PTPRS: variants seen among roughly 807,000 people sequenced by gnomAD.
PTPRS encodes the protein protein tyrosine phosphatase receptor type S.
A neutral mutation model predicts 215.3 loss-of-function variants in PTPRS; 63 were observed. The observed-to-expected ratio is 0.29, with a 90% confidence interval of 0.24 to 0.36. PTPRS has a LOEUF of 0.36. Among genes scored for constraint, PTPRS ranks in the 10% least tolerant of loss-of-function variants. The pLI, the probability that PTPRS is intolerant of heterozygous loss-of-function variation, is 1.00. For missense variants in PTPRS, 2,258 were observed against 2,825.8 expected (o/e 0.80, Z 4.56); for synonymous variants, 1,404 against 1,191.4 (o/e 1.18, Z -3.68).
intron 8 of PTPRS, among the ~76,000 whole-genome samples, chr19:5,256,502 G>A (rs1035389717): frequency 2.6e-5 from 4 of 151,992 alleles, no homozygotes; most frequent in African/African-American, 9.7e-5. Flanking sequence ...GGACACAGAA[G>A]CCCCCCTCCC....
At position 5,237,325 on chromosome 19, in the gene PTPRS, T is replaced by C. The variant is rs2043545133; in HGVS notation, c.1849+1594A>G. Among the ~76,000 whole-genome samples, 2 of 152,208 alleles carry C rather than the reference T, an allele frequency of 1.3e-5. No individual in the cohort carries two copies. The highest frequency in any genetic ancestry group is 2.9e-5 in the Non-Finnish European group (2 of 68,022). The stretch of plus-strand genomic sequence containing the variant: ...ATGGATACGCCTGGCCCTGAGTCTT[T>C]GCTGTCGGTTCTCCTGGGCCCCACC... On this transcript the variant is annotated intron_variant, in intron 13 of 37. Transcript: ENST00000262963. This position sits in a 1 kb window ranked among gnomAD's most constrained non-coding sequence, Gnocchi z 4.2.
intron 11 of PTPRS, among the ~76,000 whole-genome samples, chr19:5,243,125 C>CT (rs746936561): frequency 0.024 from 3,279 of 138,002 alleles, 94 homozygotes; most frequent in African/African-American, 0.076. Context: ...GGCTAGCTCT[C>CT]TTTTTTTTTT....
chr19:5,332,116 G>A (rs961810724), intron 1 of PTPRS, among the ~76,000 whole-genome samples: 3 of 150,596 alleles, frequency 2.0e-5, no homozygotes, highest in African/African-American at 7.3e-5. Context: ...ACCCAAGGAT[G>A]TTAAAATAGG....
At chr19:5,330,026 G>A (rs540390809) in intron 1 of PTPRS, among the ~76,000 whole-genome samples, 6 of 147,620 alleles carry the variant, frequency 4.1e-5, no homozygotes, top group Non-Finnish European at 8.9e-5. Flanking sequence ...GCCGTGAGCC[G>A]AGATCACGCC....
At chr19:5,236,861 A>C (rs998240282) in intron 13 of PTPRS, among the ~76,000 whole-genome samples, 2 of 151,576 alleles carry the variant, frequency 1.3e-5, no homozygotes, top group Non-Finnish European at 2.9e-5. Flanking sequence ...AAAAAAAAAA[A>C]AAAACAACAA....
intron 1 of PTPRS, among the ~76,000 whole-genome samples, chr19:5,313,367 G>A (rs73549750): frequency 1.3e-4 from 20 of 152,362 alleles, no homozygotes; most frequent in Admixed American, 3.3e-4. Context: ...AGACTTAAGA[G>A]AGTGGTCCAT....
intron 35 of PTPRS, among the ~76,000 whole-genome samples, chr19:5,209,144 C>T (rs1185079331): frequency 6.6e-6 from 1 of 152,214 alleles, no homozygotes; most frequent in African/African-American, 2.4e-5. Flanking sequence ...CCACCATCCC[C>T]TCTTGGTAAC....
Position 5,215,427 on chromosome 19 carries a change from G to T in PTPRS, c.4195-15C>A. ...GGGTCGATGGACTACAGAGGAAGGG[G>T]AGAGCGCGGGTGTCAGGGTAGGTGC... On this transcript the variant is annotated splice_polypyrimidine_tract_variant and intron_variant, in intron 27 of 37. Transcript: ENST00000262963. 1 of 1,613,104 alleles carries T rather than the reference G, an allele frequency of 6.2e-7. No homozygotes were observed.
chr19:5,288,547 C>T (rs889533069), intron 1 of PTPRS, among the ~76,000 whole-genome samples: 1 of 152,208 alleles, frequency 6.6e-6, no homozygotes, highest in Non-Finnish European at 1.5e-5. Flanking sequence ...AGCCTGTGGC[C>T]AGCTGGGGCT....
At position 5,237,400 on chromosome 19, in the gene PTPRS, G is replaced by A. The variant is rs1320217948; in HGVS notation, c.1849+1519C>T. Among the ~76,000 whole-genome samples the A allele has an allele frequency of 1.3e-5, 2 of 152,230 alleles. No individual in the cohort carries two copies. The highest frequency in any genetic ancestry group is 2.9e-5 in the Non-Finnish European group (2 of 68,032). ...TCCCTTCTCCCCAACTCCCTGTCCT[G>A]GGCCGCCCCGGAGGTTCGCGTGGCT... On this transcript the variant is annotated intron_variant, in intron 13 of 37. Coordinates refer to ENST00000262963, the MANE Select transcript of PTPRS (RefSeq NM_002850.4). The surrounding 1 kb of genome is among the most constrained non-coding windows in gnomAD (Gnocchi z 4.2).
At chr19:5,298,283 C>A (rs998159909) in intron 1 of PTPRS, among the ~76,000 whole-genome samples, 3 of 152,164 alleles carry the variant, frequency 2.0e-5, no homozygotes, top group African/African-American at 7.2e-5. Context: ...CCCTTCGTCT[C>A]CTGAAGAAAC....
intron 2 of PTPRS, among the ~76,000 whole-genome samples, chr19:5,284,799 T>A (rs748838718): frequency 6.6e-6 from 1 of 151,760 alleles, no homozygotes. Flanking sequence ...ATTAAAAAAA[T>A]TAGCCAGGCA....
intron 2 of PTPRS, among the ~76,000 whole-genome samples, chr19:5,285,011 C>G (rs2048223266): frequency 6.6e-6 from 1 of 152,074 alleles, no homozygotes. Flanking sequence ...ATGAATGAGG[C>G]AGGGGTGTAT....
rs1280765988 is a variant in PTPRS, at chr19:5,248,028, C to T, written c.719-1983G>A. Among the ~76,000 whole-genome samples the T allele has an allele frequency of 2.2e-4, 15 of 68,478 alleles. 2 individuals carry two copies. The highest frequency in any genetic ancestry group is 1.1e-3 in the Admixed American group (6 of 5,480). 44.9% of individuals were successfully genotyped at this position (68,478 alleles called of 152,430 possible). ...AGAGTGGAGGTGAGGGGCGAGGTGCCGTGAGATGGGGGGGGCGGGTGGCTT... is the reference window on the plus strand; with the variant it reads ...AGAGTGGAGGTGAGGGGCGAGGTGCTGTGAGATGGGGGGGGCGGGTGGCTT... On this transcript the variant is annotated intron_variant, in intron 9 of 37. Transcript: ENST00000262963.
At chr19:5,336,666 TTTTTG>T (rs1427044542) in intron 1 of PTPRS, among the ~76,000 whole-genome samples, 1 of 152,212 alleles carries the variant, frequency 6.6e-6, no homozygotes, top group South Asian at 2.1e-4. Flanking sequence ...ATTTTTGGTT[TTTTTG>T]TTTTGTTTTG....
intron 2 of PTPRS, among the ~76,000 whole-genome samples, chr19:5,278,585 C>T (rs112189077): frequency 2.0e-4 from 30 of 152,200 alleles, no homozygotes; most frequent in African/African-American, 6.5e-4. Context: ...CAAGTGGACT[C>T]TTCTGCCTCA....
chr19:5,267,951 C>G (rs1033399226), intron 4 of PTPRS, among the ~76,000 whole-genome samples: 1 of 151,744 alleles, frequency 6.6e-6, no homozygotes, highest in Non-Finnish European at 1.5e-5. Context: ...AGGTGGATCA[C>G]GAGGTCAGGA....
At chr19:5,328,168 G>A (rs1474439490) in intron 1 of PTPRS, among the ~76,000 whole-genome samples, 1 of 152,092 alleles carries the variant, frequency 6.6e-6, no homozygotes, top group Admixed American at 6.6e-5. Flanking sequence ...CCAGGCTGGA[G>A]TGCAATGGCA....
chr19:5,327,691 C>A (rs933737554), intron 1 of PTPRS, among the ~76,000 whole-genome samples: 2 of 152,164 alleles, frequency 1.3e-5, no homozygotes, highest in Non-Finnish European at 2.9e-5. Context: ...GCCTCAAACT[C>A]CTGGGCTCAA....
Sources: gnomAD v4.1 joint callset for allele counts (sites outside exome capture counted in the v4.1 genomes callset) on GRCh38, gnomAD v4.1.1 for gene constraint, Gnocchi (gnomAD v3.1) non-coding constraint, MANE v1.5 for transcripts, NCBI Gene and HGNC (gene_info 2026-07-23, HGNC 2026-07-21) for gene names.